The following CNTLN variants were observed in gnomAD, a reference collection of about 807,000 sequenced individuals.
The protein encoded by CNTLN is centlein, also known as centlein, centrosomal protein.
A neutral mutation model predicts 180.0 loss-of-function variants in CNTLN; 212 were observed. That is an observed-to-expected ratio of 1.18 (90% CI 1.05 to 1.32). CNTLN has a LOEUF of 1.32. CNTLN is among the 40% of genes most tolerant of loss of function. The pLI is 0.00. For synonymous variants in CNTLN, 722 were observed against 563.1 expected, an observed-to-expected ratio of 1.28 and a Z score of -3.99; for missense variants, 2,095 against 1,610.9, an observed-to-expected ratio of 1.30 and a Z score of -5.14.
intron 18 of CNTLN, among the ~76,000 whole-genome samples, chr9:17,446,652 CA>C (rs1489624963): frequency 5.9e-5 from 9 of 151,988 alleles, no homozygotes; most frequent in African/African-American, 2.2e-4. Context: ...TTTTAGAAGT[CA>C]AAAATTATTC....
chr9:17,171,542 G>A (rs1820421555), intron 2 of CNTLN, among the ~76,000 whole-genome samples: 1 of 152,186 alleles, frequency 6.6e-6, no homozygotes, highest in Non-Finnish European at 1.5e-5. Context: ...GGCTGCTGAG[G>A]TCTTCCTGAT....
intron 2 of CNTLN, among the ~76,000 whole-genome samples, chr9:17,205,026 G>A (rs1822818550): frequency 6.6e-6 from 1 of 152,162 alleles, no homozygotes; most frequent in Non-Finnish European, 1.5e-5. Flanking sequence ...CATTGCAGGT[G>A]CCCCTCCTAT....
At chr9:17,455,330 C>T (rs78536526) in intron 18 of CNTLN, among the ~76,000 whole-genome samples, 8,995 of 152,012 alleles carry the variant, frequency 0.059, 365 homozygotes, top group South Asian at 0.13. Flanking sequence ...TTAATCAAAA[C>T]ATTATATTTT....
chr9:17,247,242 G>A (rs1402960379), intron 5 of CNTLN, among the ~76,000 whole-genome samples: 1 of 152,098 alleles, frequency 6.6e-6, no homozygotes, highest in Non-Finnish European at 1.5e-5. Flanking sequence ...TGCCTTTCAA[G>A]TTTATTTAGG....
At chr9:17,353,613 T>C (rs62561400) in intron 12 of CNTLN, among the ~76,000 whole-genome samples, 1 of 136,232 alleles carries the variant, frequency 7.3e-6, no homozygotes, top group Non-Finnish European at 1.6e-5. Context: ...TTTTTTTTTT[T>C]AACTGAGACG....
At chr9:17,502,422 T>G (rs1833798689) in intron 25 of CNTLN, 129 bp from the exon 26 acceptor site, 2 of 494,056 alleles carry the variant, frequency 4.0e-6, no homozygotes, top group East Asian at 3.8e-5. Flanking sequence ...AGAAAAGAGA[T>G]CCAGTAGGGT....
At chr9:17,369,023 G>T (rs1000872795) in intron 13 of CNTLN, among the ~76,000 whole-genome samples, 4 of 152,170 alleles carry the variant, frequency 2.6e-5, no homozygotes, top group African/African-American at 9.7e-5. Context: ...CAAGTGATAG[G>T]TTACGCTTTG....
At chr9:17,216,126 C>A (rs1823736534) in intron 2 of CNTLN, among the ~76,000 whole-genome samples, 1 of 152,112 alleles carries the variant, frequency 6.6e-6, no homozygotes, top group South Asian at 2.1e-4. Context: ...GCAGAAATCA[C>A]CCATCTTCTG....
intron 12 of CNTLN, among the ~76,000 whole-genome samples, chr9:17,351,699 A>G (rs1822379367): frequency 6.6e-6 from 1 of 152,172 alleles, no homozygotes; most frequent in African/African-American, 2.4e-5. Context: ...GTCAACTAGA[A>G]TAAACTCATA....
intron 18 of CNTLN, among the ~76,000 whole-genome samples, chr9:17,432,443 A>G (rs946709227): frequency 6.6e-6 from 1 of 152,190 alleles, no homozygotes; most frequent in African/African-American, 2.4e-5. Flanking sequence ...AAATGACTAG[A>G]TGATAGATAG....
In CNTLN at chr9:17,238,218, A is replaced by C. The variant is rs539143125; in HGVS notation, c.849+1630A>C. 3.2e-4 allele frequency among the ~76,000 whole-genome samples: 48 copies of C among 152,290 alleles called. 1 individual carries two copies. The highest frequency in any genetic ancestry group is 1.1e-3 in the African/African-American group (47 of 41,570). On this transcript the variant is annotated intron_variant, in intron 5 of 25. Transcript: ENST00000380647. ...CTGTTCTACAGACGTTGAATAAAGA[A>C]AACTGGAATTTCAAAAGTTTGTGAA...
chr9:17,517,577 A>C, the CNTLN span, among the ~76,000 whole-genome samples: 1 of 152,070 alleles, frequency 6.6e-6, no homozygotes, highest in South Asian at 2.1e-4. Flanking sequence ...CAGAGGGAAG[A>C]GGACCATGTG....
intron 7 of CNTLN, chr9:17,299,268 C>CGT (rs1818180596): frequency 7.9e-6 from 1 of 125,880 alleles, no homozygotes; most frequent in Non-Finnish European, 1.6e-5. Context: ...AAAAAAAAAA[C>CGT]CTTTACTGAA....
At chr9:17,361,895 A>G (rs536951757) in intron 12 of CNTLN, among the ~76,000 whole-genome samples, 1 of 152,320 alleles carries the variant, frequency 6.6e-6, no homozygotes, top group East Asian at 1.9e-4. Flanking sequence ...TCCTCATACC[A>G]GAGTATAAGA....
At chr9:17,390,419 C>T (rs1274992588) in intron 14 of CNTLN, among the ~76,000 whole-genome samples, 3 of 151,222 alleles carry the variant, frequency 2.0e-5, no homozygotes, top group Non-Finnish European at 4.4e-5. Flanking sequence ...TTGTGTTTTT[C>T]GTAGAGATGA....
chr9:17,457,839 T>C (rs1474683999), intron 19 of CNTLN, 124 bp downstream of exon 19: 7 of 565,710 alleles, frequency 1.2e-5, no homozygotes, highest in Non-Finnish European at 1.9e-5. Flanking sequence ...CAAAAAATTA[T>C]TAATATTGCC....
chr9:17,337,414 G>C (rs1173103449), intron 10 of CNTLN, among the ~76,000 whole-genome samples: 1 of 152,086 alleles, frequency 6.6e-6, no homozygotes, highest in Admixed American at 6.6e-5. Flanking sequence ...TATTGCATAG[G>C]ATAAAACTAT....
intron 18 of CNTLN, among the ~76,000 whole-genome samples, chr9:17,425,570 G>T (rs1477332606): frequency 1.3e-5 from 2 of 152,176 alleles, no homozygotes; most frequent in African/African-American, 4.8e-5. Context: ...GGGTGCTGCA[G>T]TAACACATCA....
Position 17,298,332 on chromosome 9 carries a change from G to C in CNTLN, c.1126G>C (p.Glu376Gln). The C allele has an allele frequency of 6.2e-7, 1 of 1,612,142 alleles. No homozygotes were observed. Reference protein sequence around the residue: ...LRNQEDVHTAESISYQKLYNE... With the variant: ...LRNQEDVHTAQSISYQKLYNE... ...AAATCAGGAAGATGTTCACACAGCTGAAAGTATATCATATCAAAAAGTATG... is the reference window on the plus strand; with the variant it reads ...AAATCAGGAAGATGTTCACACAGCTCAAAGTATATCATATCAAAAAGTATG... Residue 376 changes from glutamate (E) to glutamine (Q), a missense_variant, in exon 7 of 26, where the codon GAA becomes CAA. Physicochemically the swap from Glu to Gln is conservative, Grantham distance 29 (BLOSUM62 2). Transcript: ENST00000380647.
Sources: allele counts gnomAD v4.1 joint callset (sites outside exome capture counted in the v4.1 genomes callset), GRCh38; gene constraint gnomAD v4.1.1; transcripts MANE v1.5; gene names NCBI Gene and HGNC (gene_info 2026-07-23, HGNC 2026-07-21).